The following ACACA variants were observed in gnomAD, a reference collection of about 807,000 sequenced individuals.
The protein encoded by ACACA is acetyl-CoA carboxylase alpha, also known as acetyl-CoA carboxylase 1.
A neutral mutation model predicts 296.1 loss-of-function variants in ACACA; 103 were observed. That is an observed-to-expected ratio of 0.35 (90% CI 0.30 to 0.41). The LOEUF (loss-of-function observed/expected upper bound fraction) is 0.41. Ranked by LOEUF, ACACA falls within the 10% of genes least tolerant of loss-of-function variation. The pLI is 1.00. For synonymous variants in ACACA, 953 were observed against 1,038.6 expected (o/e 0.92, Z 1.58); for missense variants, 1,554 against 2,989.7 (o/e 0.52, Z 11.20).
intron 1 of ACACA, among the ~76,000 whole-genome samples, chr17:37,390,129 TAA>T (rs67386580): frequency 2.1e-5 from 1 of 47,590 alleles, no homozygotes; most frequent in Non-Finnish European, 3.5e-5. Flanking sequence ...CTGTCTCTAT[TAA>T]AAAAAAAAGT....
At chr17:37,115,639 G>A (rs558284586) in intron 50 of ACACA, among the ~76,000 whole-genome samples, 1 of 152,036 alleles carries the variant, frequency 6.6e-6, no homozygotes, top group South Asian at 2.1e-4. Flanking sequence ...AAAAAGAAGG[G>A]GAGATTTTAT....
At chr17:37,389,463 G>T (rs1304685782) in intron 1 of ACACA, 47 of 1,446,468 alleles carry the variant, frequency 3.2e-5, no homozygotes, top group African/African-American at 4.3e-5. Context: ...TTGAGAGGCT[G>T]AGGCAGGTGG....
At chr17:37,299,765 G>GC in intron 3 of ACACA, 1 of 997,296 alleles carries the variant, frequency 1.0e-6, no homozygotes, top group Non-Finnish European at 1.2e-6. Flanking sequence ...TCTCCTGGCT[G>GC]CCAGGAGCAC....
chr17:37,295,019 G>A (rs2083261635), intron 3 of ACACA, among the ~76,000 whole-genome samples: 1 of 152,248 alleles, frequency 6.6e-6, no homozygotes, highest in Admixed American at 6.5e-5. Context: ...GCCATGAACT[G>A]TAATGATAGG....
chr17:37,334,674 C>T (rs1194988135), intron 2 of ACACA, among the ~76,000 whole-genome samples: 1 of 151,968 alleles, frequency 6.6e-6, no homozygotes, highest in Non-Finnish European at 1.5e-5. Context: ...CCCTGGCCCT[C>T]CCTTATCATA....
intron 25 of ACACA, among the ~76,000 whole-genome samples, chr17:37,230,177 G>C (rs2079788978): frequency 6.6e-6 from 1 of 150,816 alleles, no homozygotes; most frequent in Non-Finnish European, 1.5e-5. Flanking sequence ...CTGAGGTCAG[G>C]CGTTCGAGAC....
At chr17:37,229,661 T>C (rs2079749694) in intron 25 of ACACA, among the ~76,000 whole-genome samples, 1 of 152,162 alleles carries the variant, frequency 6.6e-6, no homozygotes, top group Non-Finnish European at 1.5e-5. Flanking sequence ...AAAAGCACTT[T>C]TTTTTAAAAA....
chr17:37,086,118 T>C lies in ACACA; in HGVS notation c.*1198A>G, dbSNP rs2072181268. ...TGAGTTGTAAATAATCTTAAGGTCA[T>C]GTGGATTCTGTGTTTCCTGGAAGCC... is the stretch of plus-strand genomic sequence containing the variant. On this transcript the variant is annotated 3_prime_UTR_variant, in exon 56 of 56. Transcript: ENST00000616317. The C allele has an allele frequency of 4.0e-6, 1 of 250,666 alleles. No homozygotes were observed. The allele number at this position is 250,666 out of a possible 1,614,324, so 15.5% of individuals were successfully genotyped here.
intron 3 of ACACA, among the ~76,000 whole-genome samples, chr17:37,323,162 C>G (rs1050816244): frequency 6.6e-6 from 1 of 152,282 alleles, no homozygotes; most frequent in Non-Finnish European, 1.5e-5. Flanking sequence ...CCCAAAAGTG[C>G]TTCCCATGGC....
chr17:37,118,714 C>A (rs1048928423), intron 50 of ACACA, among the ~76,000 whole-genome samples: 1 of 152,156 alleles, frequency 6.6e-6, no homozygotes, highest in Non-Finnish European at 1.5e-5. Context: ...ATTTACTTAA[C>A]CTAATTTACA....
At position 37,327,535 on chromosome 17, in the gene ACACA, T is replaced by C. The variant is rs189282262; in HGVS notation, c.338+2638A>G. On this transcript the variant is annotated intron_variant, in intron 3 of 55. Transcript: ENST00000616317. ...CATGCAAAGAAATTCCAGACACTCA[T>C]GCCACTGACCACATAGACTTTGCAT... 7.0e-4 allele frequency among the ~76,000 whole-genome samples: 107 copies of C among 152,326 alleles called. 1 individual carries two copies. In the Middle Eastern group the frequency reaches 0.014, roughly 19 times the overall value.
Position 37,232,245 on chromosome 17 carries a change from C to T in ACACA, c.3246+2730G>A, listed in dbSNP as rs1033067060. On this transcript the variant is annotated intron_variant, in intron 25 of 55. Transcript: ENST00000616317. ...AAGCCCCAGAAATCATCATCTAGCT[C>T]AGCAAAGCATACTATCAACATTCCT... 2.6e-5 allele frequency among the ~76,000 whole-genome samples: 4 copies of T among 152,298 alleles called. No individual in the cohort carries two copies. The East Asian group carries it at 7.7e-4, about 29-fold the overall frequency.
intron 10 of ACACA, among the ~76,000 whole-genome samples, chr17:37,269,763 G>GAAAAAAAAAAAAAAAA: frequency 7.7e-6 from 1 of 129,298 alleles, no homozygotes. Context: ...TGTTTTAAGG[G>GAAAAAAAAAAAAAAAA]AAAAAAAAAA....
chr17:37,092,147 G>A (rs554287064), intron 54 of ACACA, among the ~76,000 whole-genome samples: 1 of 151,758 alleles, frequency 6.6e-6, no homozygotes, highest in Admixed American at 6.6e-5. Context: ...AGGTGGGGTA[G>A]TGTATGCCTA....
At chr17:37,129,317 T>C in intron 47 of ACACA, 48 bp downstream of exon 47, 1 of 1,611,978 alleles carries the variant, frequency 6.2e-7, no homozygotes, top group Non-Finnish European at 8.5e-7. Context: ...AAAAGAACGC[T>C]AAAAGCTTAA....
Position 37,252,881 on chromosome 17 carries a change from C to G in ACACA, c.1977+5G>C. On this transcript the variant is annotated splice_donor_5th_base_variant and intron_variant, in intron 15 of 55. Coordinates refer to ENST00000616317, the MANE Select transcript of ACACA (RefSeq NM_198834.3). ...CCCAGCATCTGTTTGTGGAGAAATACACACCTGTACTTTTTCTGCTATCAG... is the reference window on the plus strand; with the variant it reads ...CCCAGCATCTGTTTGTGGAGAAATAGACACCTGTACTTTTTCTGCTATCAG... 1 of 1,614,084 alleles carries G rather than the reference C, an allele frequency of 6.2e-7. No individual in the cohort carries two copies. Among genetic ancestry groups the G allele is most frequent in the Non-Finnish European group, 8.5e-7 (1 of 1,180,016 alleles).
At position 37,274,509 on chromosome 17, in the gene ACACA, A is replaced by G. The variant is rs561998789; in HGVS notation, c.902-210T>C. ...CAACTTGGGTTCTTAACGCTGGCAA[A>G]AGCCAGCCGAACTAACAGGGAGCAA... On this transcript the variant is annotated intron_variant, in intron 8 of 55. Transcript: ENST00000616317. The G allele has an allele frequency of 1.1e-4, 82 of 734,950 alleles. No homozygotes were observed. In the South Asian group the frequency reaches 4.3e-3, roughly 39 times the overall value. The allele number at this position is 734,950 out of a possible 1,614,324, so 45.5% of individuals were successfully genotyped here. A position where few individuals can be genotyped will look rare whatever the true frequency, so the allele number is the denominator to read the frequency against.
chr17:37,358,211 A>C (rs929706504), intron 1 of ACACA, among the ~76,000 whole-genome samples: 3 of 152,170 alleles, frequency 2.0e-5, no homozygotes, highest in Non-Finnish European at 2.9e-5. Context: ...TTTAGAGGTG[A>C]TTTCAAGTGT....
At chr17:37,105,392 G>T (rs2073617446) in intron 52 of ACACA, among the ~76,000 whole-genome samples, 1 of 152,076 alleles carries the variant, frequency 6.6e-6, no homozygotes, top group South Asian at 2.1e-4. Context: ...CAGGAGAATC[G>T]CTTGAACTCG....
Sources: gnomAD v4.1 joint callset for allele counts (sites outside exome capture counted in the v4.1 genomes callset) on GRCh38, gnomAD v4.1.1 for gene constraint, MANE v1.5 for transcripts, NCBI Gene and HGNC (gene_info 2026-07-23, HGNC 2026-07-21) for gene names.